Variants in EXOC6 observed in about 807,000 individuals in gnomAD.
EXOC6 encodes the protein SEC15-like 1.
In EXOC6, 60 loss-of-function variants were observed where a neutral mutation model predicts 112.5. The ratio of observed to expected loss-of-function variants is 0.53; its 90% CI spans 0.43 to 0.66. The LOEUF (loss-of-function observed/expected upper bound fraction) is 0.66. Among genes scored for constraint, EXOC6 ranks in the 30% least tolerant of loss-of-function variants. The pLI is 0.00. For missense variants in EXOC6, 855 were observed against 957.1 expected (o/e 0.89, Z 1.41); for synonymous variants, 295 against 308.0 (o/e 0.96, Z 0.44).
At chr10:92,859,879 C>T (rs1847823702) in intron 1 of EXOC6, among the ~76,000 whole-genome samples, 1 of 151,108 alleles carries the variant, frequency 6.6e-6, no homozygotes, top group Non-Finnish European at 1.5e-5. Flanking sequence ...CATATAACCT[C>T]CCAGGCATCA....
At chr10:92,999,170 A>G (rs1843637583) in intron 19 of EXOC6, 4 of 364,452 alleles carry the variant, frequency 1.1e-5, no homozygotes, top group South Asian at 5.9e-5. Flanking sequence ...CCCTTGGCCT[A>G]TTTTGTATTT....
intron 1 of EXOC6, among the ~76,000 whole-genome samples, chr10:92,865,340 C>T (rs796983156): frequency 2.6e-5 from 4 of 152,114 alleles, no homozygotes; most frequent in African/African-American, 7.2e-5. Flanking sequence ...TTGAGACCAG[C>T]CTGGCCACCA....
intron 18 of EXOC6, among the ~76,000 whole-genome samples, chr10:92,996,786 A>C (rs1173126777): frequency 6.6e-6 from 1 of 152,204 alleles, no homozygotes; most frequent in African/African-American, 2.4e-5. Flanking sequence ...GATGTATATT[A>C]TACTGAAAGA....
intron 18 of EXOC6, among the ~76,000 whole-genome samples, chr10:92,983,791 G>C (rs1177053246): frequency 6.6e-6 from 1 of 152,076 alleles, no homozygotes; most frequent in East Asian, 1.9e-4. Context: ...ATAGGCACGA[G>C]CCACTGCGCC....
rs144131728 is a variant in EXOC6 at position 92,914,545 on chromosome 10, T to C, written c.664-1213T>C. Among the ~76,000 whole-genome samples, 288 of 152,352 alleles carry C rather than the reference T, an allele frequency of 1.9e-3. 1 individual carries two copies. Among genetic ancestry groups the C allele is most frequent in the African/African-American group, 6.8e-3 (281 of 41,576 alleles). ...ATAACATAATTGGGAAACAATACTC[T>C]AAATAAATGATTTTATACTCTGAGG... is the stretch of plus-strand genomic sequence containing the variant. On this transcript the variant is annotated intron_variant, in intron 6 of 21. Coordinates refer to ENST00000260762, the MANE Select transcript of EXOC6 (RefSeq NM_019053.6).
At chr10:92,831,309 G>A (rs1302035410), upstream of EXOC6, 23 of 1,288,622 alleles carry the variant, frequency 1.8e-5, no homozygotes, top group African/African-American at 6.1e-5. Context: ...CGGCTGTACC[G>A]GAAGAGGATG....
intron 1 of EXOC6, among the ~76,000 whole-genome samples, chr10:92,861,652 A>G (rs1847917865): frequency 6.6e-6 from 1 of 152,096 alleles, no homozygotes; most frequent in African/African-American, 2.4e-5. Context: ...CTTCTCAGCT[A>G]CTGCCACTGG....
At position 92,909,513 on chromosome 10, in the gene EXOC6, T is replaced by C; in HGVS notation, c.545T>C (p.Ile182Thr). ...VSQYRFCQLMIENLPKLREDI... is the reference protein window; with the variant it reads ...VSQYRFCQLMTENLPKLREDI... ...CAATACCGGTTTTGTCAGCTCATGA[T>C]AGAAAATCTTCCCAAACTCCGTGAG... Residue 182 changes from isoleucine (I) to threonine (T), a missense_variant, in exon 6 of 22, where the codon ATA (isoleucine) becomes ACA (threonine). Coordinates refer to ENST00000260762, the MANE Select transcript of EXOC6 (RefSeq NM_019053.6). 3 of 1,613,550 alleles carry C rather than the reference T, an allele frequency of 1.9e-6. No homozygotes were observed. The highest frequency in any genetic ancestry group is 2.5e-6 in the Non-Finnish European group (3 of 1,179,614).
chr10:93,019,447 T>A lies in EXOC6; in HGVS notation c.2169+5180T>A, dbSNP rs1009247750. Among the ~76,000 whole-genome samples the A allele has an allele frequency of 5.3e-5, 8 of 152,350 alleles. No individual in the cohort carries two copies. The East Asian group carries it at 1.2e-3, about 22-fold the overall frequency. ...AACATTTACTTTTCTCTCTAGATGA[T>A]TTCTCCAGAATTTAGAAACTATCCA... On this transcript the variant is annotated intron_variant, in intron 20 of 21. Coordinates refer to ENST00000260762, the MANE Select transcript of EXOC6 (RefSeq NM_019053.6).
At chr10:92,994,986 A>T (rs1589997236) in intron 18 of EXOC6, among the ~76,000 whole-genome samples, 1 of 152,094 alleles carries the variant, frequency 6.6e-6, no homozygotes, top group East Asian at 1.9e-4. Context: ...ATCTTATGGA[A>T]TATAACTTTT....
intron 1 of EXOC6, among the ~76,000 whole-genome samples, chr10:92,864,217 G>C (rs952293010): frequency 6.6e-6 from 1 of 152,170 alleles, no homozygotes; most frequent in Non-Finnish European, 1.5e-5. Flanking sequence ...CTTTCGTATT[G>C]TAGGCAGAGG....
chr10:92,975,185 C>G (rs1383875823), intron 18 of EXOC6, among the ~76,000 whole-genome samples: 1 of 151,078 alleles, frequency 6.6e-6, no homozygotes, highest in Non-Finnish European at 1.5e-5. Flanking sequence ...GGCCGCCCAT[C>G]GTCTGAGATG....
At chr10:92,863,505 A>G (rs1848006113) in intron 1 of EXOC6, among the ~76,000 whole-genome samples, 2 of 152,226 alleles carry the variant, frequency 1.3e-5, no homozygotes, top group African/African-American at 4.8e-5. Flanking sequence ...GGCTGGGTGC[A>G]GTAGCTCATG....
intron 18 of EXOC6, among the ~76,000 whole-genome samples, chr10:92,979,896 CAAAAA>C (rs5787028): frequency 2.4e-5 from 2 of 84,408 alleles, no homozygotes; most frequent in African/African-American, 4.5e-5. Context: ...GACACTGTCT[CAAAAA>C]AAAAAAAAAA....
chr10:92,858,807 C>T (rs984843152), intron 1 of EXOC6, among the ~76,000 whole-genome samples: 5 of 152,092 alleles, frequency 3.3e-5, no homozygotes, highest in Admixed American at 3.3e-4. Context: ...GCTCTGTCAC[C>T]CAGGTTGGAG....
chr10:92,882,150 G>T (rs1013659172), intron 1 of EXOC6, among the ~76,000 whole-genome samples: 14 of 152,048 alleles, frequency 9.2e-5, no homozygotes, highest in Non-Finnish European at 1.3e-4. Flanking sequence ...TTTTACATTG[G>T]TTTTTTTCTT....
At chr10:92,981,589 T>C (rs1842827192) in intron 18 of EXOC6, among the ~76,000 whole-genome samples, 1 of 152,204 alleles carries the variant, frequency 6.6e-6, no homozygotes, top group African/African-American at 2.4e-5. Flanking sequence ...ATTTGTTCAT[T>C]TTTCTTCCTT....
At chr10:92,951,814 C>T (rs190585979) in intron 14 of EXOC6, among the ~76,000 whole-genome samples, 129 of 152,210 alleles carry the variant, frequency 8.5e-4, no homozygotes, top group Admixed American at 2.2e-3. Flanking sequence ...GGAATAAACT[C>T]GATAACTTCT....
At chr10:92,920,354 A>G (rs1564831613) in intron 8 of EXOC6, among the ~76,000 whole-genome samples, 1 of 152,168 alleles carries the variant, frequency 6.6e-6, no homozygotes, top group African/African-American at 2.4e-5. Flanking sequence ...TCCATACTAC[A>G]TTGCTCTTAT....
Sources: gnomAD v4.1 joint callset for allele counts (sites outside exome capture counted in the v4.1 genomes callset) on GRCh38, gnomAD v4.1.1 for gene constraint, MANE v1.5 for transcripts, NCBI Gene and HGNC (gene_info 2026-07-23, HGNC 2026-07-21) for gene names.